Variants in APPBP2 observed in about 807,000 individuals in gnomAD.
The protein encoded by APPBP2 is amyloid beta precursor protein binding protein 2.
Under a neutral mutation model 76.0 loss-of-function variants are expected in APPBP2, and 15 were observed. The observed-to-expected ratio is 0.20, with a 90% CI of 0.13 to 0.30. The LOEUF is 0.30. APPBP2 is among the 10% of genes least tolerant of loss of function. The pLI, the probability that APPBP2 is intolerant of heterozygous loss-of-function variation, is 1.00. For synonymous variants in APPBP2, 222 were observed against 242.2 expected (o/e 0.92, Z 0.77); for missense variants, 401 against 687.2 (o/e 0.58, Z 4.66).
At chr17:60,514,586 T>G (rs1256353092) in intron 1 of APPBP2, among the ~76,000 whole-genome samples, 2 of 152,254 alleles carry the variant, frequency 1.3e-5, no homozygotes, top group Admixed American at 1.3e-4. Flanking sequence ...CACTATGATA[T>G]TCCATTCCTG....
intron 2 of APPBP2, among the ~76,000 whole-genome samples, chr17:60,497,021 G>A (rs1005333779): frequency 1.3e-5 from 2 of 152,012 alleles, no homozygotes; most frequent in African/African-American, 2.4e-5. Flanking sequence ...ACGCCCAGCC[G>A]ACTTACTTGT....
chr17:60,492,707 C>G (rs2090739964), intron 3 of APPBP2, among the ~76,000 whole-genome samples: 1 of 152,202 alleles, frequency 6.6e-6, no homozygotes, highest in Non-Finnish European at 1.5e-5. Flanking sequence ...TGTACCCCCA[C>G]TGTATCTAGG....
intron 3 of APPBP2, among the ~76,000 whole-genome samples, chr17:60,484,791 A>G (rs2090659762): frequency 6.6e-6 from 1 of 152,174 alleles, no homozygotes. Flanking sequence ...GAAAGACAGA[A>G]AACTGTCTTG....
chr17:60,473,007 T>C (rs1056504440), intron 4 of APPBP2, among the ~76,000 whole-genome samples: 2 of 152,188 alleles, frequency 1.3e-5, no homozygotes, highest in South Asian at 2.1e-4. Context: ...TTCCTTTTTA[T>C]GATATAGCAC....
At chr17:60,519,767 A>G (rs2090993382) in intron 1 of APPBP2, among the ~76,000 whole-genome samples, 1 of 150,074 alleles carries the variant, frequency 6.7e-6, no homozygotes, top group South Asian at 2.1e-4. Flanking sequence ...TAATTTTAGT[A>G]GCCAAATTTA....
chr17:60,457,156 T>A (rs1327323408), intron 9 of APPBP2, among the ~76,000 whole-genome samples: 1 of 151,366 alleles, frequency 6.6e-6, no homozygotes, highest in African/African-American at 2.4e-5. Flanking sequence ...TTACCATCAC[T>A]CTCTCAACTC....
intron 1 of APPBP2, among the ~76,000 whole-genome samples, chr17:60,502,461 A>T (rs2090830339): frequency 6.6e-6 from 1 of 152,210 alleles, no homozygotes; most frequent in African/African-American, 2.4e-5. Flanking sequence ...AATAAATACA[A>T]ACATACACTC....
intron 3 of APPBP2, among the ~76,000 whole-genome samples, chr17:60,491,020 T>C (rs886572384): frequency 1.3e-5 from 2 of 152,178 alleles, no homozygotes; most frequent in Non-Finnish European, 2.9e-5. Context: ...GCTATAAAGA[T>C]ACCTGAAAAT....
intron 4 of APPBP2, among the ~76,000 whole-genome samples, chr17:60,475,646 T>TAC (rs1400426176): frequency 2.1e-5 from 2 of 94,208 alleles, no homozygotes; most frequent in East Asian, 3.0e-4. Flanking sequence ...TTCAACTCTT[T>TAC]ATACACACAC....
intron 4 of APPBP2, among the ~76,000 whole-genome samples, chr17:60,471,730 T>C (rs958651557): frequency 6.6e-6 from 1 of 152,308 alleles, no homozygotes; most frequent in Non-Finnish European, 1.5e-5. Flanking sequence ...AGTATTTTGT[T>C]GAGGATTTTT....
At chr17:60,451,023 A>G (rs1380269185) in intron 12 of APPBP2, among the ~76,000 whole-genome samples, 1 of 152,194 alleles carries the variant, frequency 6.6e-6, no homozygotes, top group East Asian at 1.9e-4. Context: ...CCTTATTTTG[A>G]TTTTGTAATA....
chr17:60,520,879 G>T (rs1005426526), intron 1 of APPBP2, among the ~76,000 whole-genome samples: 1 of 152,064 alleles, frequency 6.6e-6, no homozygotes, highest in Non-Finnish European at 1.5e-5. Flanking sequence ...TCATTCTTTA[G>T]AATAAGAACA....
At position 60,525,886 on chromosome 17, in the gene APPBP2, T is replaced by A. The variant is rs1395349484; in HGVS notation, c.46A>T (p.Thr16Ser). ...TTGTCCACGACAGCGGAGATGGCGG[T>A]GTTATAGAGAGTCTCTGGGATCCAC... Reference protein sequence around the residue: ...LEWIPETLYNTAISAVVDNYI... With the variant: ...LEWIPETLYNSAISAVVDNYI... The change falls in exon 1 of 13, where the codon ACC (threonine) becomes TCC (serine). Residue 16 changes from threonine to serine, a missense_variant. Physicochemically the swap from Thr to Ser is moderately conservative, Grantham distance 58. Around this residue, in one of 5 missense-constraint regions of APPBP2, gnomAD observed 149 missense variants for 198.4 expected, o/e 0.75. Coordinates refer to ENST00000083182, the MANE Select transcript of APPBP2 (RefSeq NM_006380.5). 1 of 1,613,584 alleles carries A rather than the reference T, an allele frequency of 6.2e-7. No homozygotes were observed. The highest frequency in any genetic ancestry group is 8.5e-7 in the Non-Finnish European group (1 of 1,179,920).
At chr17:60,492,703 C>T (rs963315344) in intron 3 of APPBP2, among the ~76,000 whole-genome samples, 6 of 152,142 alleles carry the variant, frequency 3.9e-5, no homozygotes, top group African/African-American at 1.4e-4. Context: ...TGCATGTACC[C>T]CCACTGTATC....
At chr17:60,492,100 C>T (rs545025317) in intron 3 of APPBP2, among the ~76,000 whole-genome samples, 3 of 152,288 alleles carry the variant, frequency 2.0e-5, no homozygotes, top group African/African-American at 7.2e-5. Flanking sequence ...CAGCTTAGAC[C>T]ATAGCTTCCA....
At chr17:60,473,979 T>C (rs2090571084) in intron 4 of APPBP2, among the ~76,000 whole-genome samples, 2 of 152,176 alleles carry the variant, frequency 1.3e-5, no homozygotes, top group African/African-American at 2.4e-5. Flanking sequence ...CCAGTAACCA[T>C]CTGCAAAGCA....
At chr17:60,478,002 A>C (rs116314140) in intron 4 of APPBP2, among the ~76,000 whole-genome samples, 1 of 150,984 alleles carries the variant, frequency 6.6e-6, no homozygotes, top group Non-Finnish European at 1.5e-5. Context: ...AAATATATTT[A>C]AAAAAAAACC....
chr17:60,505,115 G>A (rs2090855802), intron 1 of APPBP2, among the ~76,000 whole-genome samples: 1 of 152,036 alleles, frequency 6.6e-6, no homozygotes, highest in South Asian at 2.1e-4. Flanking sequence ...TATATATATG[G>A]TATAGGATTA....
intron 1 of APPBP2, among the ~76,000 whole-genome samples, chr17:60,502,311 C>G (rs8081970): frequency 0.082 from 12,512 of 152,226 alleles, 1,698 homozygotes; most frequent in African/African-American, 0.28. Flanking sequence ...AAATTCACTA[C>G]TATTAACTGC....
Sources: gnomAD v4.1 joint callset for allele counts (sites outside exome capture counted in the v4.1 genomes callset) on GRCh38, gnomAD v4.1.1 for gene constraint, gnomAD v4.1.1 regional missense constraint, MANE v1.5 for transcripts, NCBI Gene and HGNC (gene_info 2026-07-23, HGNC 2026-07-21) for gene names.